The following PGM5 variants were observed in gnomAD, a reference collection of about 807,000 sequenced individuals.
PGM5 encodes the protein phosphoglucomutase 5.
Under a neutral mutation model 59.2 loss-of-function variants are expected in PGM5, and 23 were observed. The observed-to-expected ratio is 0.39, with a 90% CI of 0.28 to 0.55. PGM5 has a LOEUF of 0.55. PGM5 is among the 20% of genes least tolerant of loss of function. The pLI is 0.66. For synonymous variants in PGM5, 214 were observed against 286.0 expected (o/e 0.75, Z 2.54); for missense variants, 574 against 748.3 (o/e 0.77, Z 2.72).
intron 6 of PGM5, among the ~76,000 whole-genome samples, chr9:68,403,234 C>T (rs1822714361): frequency 5.9e-5 from 9 of 152,224 alleles, no homozygotes; most frequent in Admixed American, 4.6e-4. Context: ...TTGCATGCTC[C>T]TTGCGAGAAT....
At chr9:68,419,201 T>C (rs1349052831) in intron 6 of PGM5, among the ~76,000 whole-genome samples, 2 of 152,218 alleles carry the variant, frequency 1.3e-5, no homozygotes, top group Admixed American at 6.5e-5. Context: ...CACCATGATG[T>C]GTAGATTTTG....
At position 68,444,626 on chromosome 9, in the gene PGM5, G is replaced by T. The variant is rs763439822; in HGVS notation, c.1044-20467G>T. 2.7e-5 allele frequency among the ~76,000 whole-genome samples: 4 copies of T among 149,400 alleles called. No homozygotes were observed. In the East Asian group the frequency reaches 5.8e-4, roughly 22 times the overall value. On this transcript the variant is annotated intron_variant, in intron 6 of 10. Coordinates refer to ENST00000396396, the MANE Select transcript of PGM5 (RefSeq NM_021965.4). ...GCATTTTCTTAGTATGAGTTGAGTC[G>T]CATGCCCACTCTTTGGCCAGGCAAG...
chr9:68,420,738 A>G (rs1388763989), intron 6 of PGM5, among the ~76,000 whole-genome samples: 8 of 152,210 alleles, frequency 5.3e-5, no homozygotes, highest in Admixed American at 3.3e-4. Flanking sequence ...GACACAACAT[A>G]GAGCCTGGTC....
intron 1 of PGM5, among the ~76,000 whole-genome samples, chr9:68,358,351 A>G (rs1834510753): frequency 6.6e-6 from 1 of 152,106 alleles, no homozygotes; most frequent in Non-Finnish European, 1.5e-5. Context: ...TCCTATAACT[A>G]GAAGCACCTT....
At chr9:68,370,276 C>CT (rs1309245909) in intron 1 of PGM5, among the ~76,000 whole-genome samples, 6 of 151,414 alleles carry the variant, frequency 4.0e-5, no homozygotes, top group African/African-American at 9.7e-5. Context: ...ATTTTCTTTT[C>CT]TTTTTTTTTC....
At chr9:68,373,034 C>T (rs181391285) in intron 1 of PGM5, among the ~76,000 whole-genome samples, 1 of 151,646 alleles carries the variant, frequency 6.6e-6, no homozygotes, top group South Asian at 2.1e-4. Context: ...AACATCTAAA[C>T]CATATCAGCC....
intron 6 of PGM5, among the ~76,000 whole-genome samples, chr9:68,448,872 G>A (rs954320361): frequency 6.6e-6 from 1 of 152,202 alleles, no homozygotes; most frequent in Admixed American, 6.5e-5. Flanking sequence ...TGGGCTGATT[G>A]TGTCTCTCTG....
chr9:68,443,820 C>A (rs1331326248), intron 6 of PGM5, among the ~76,000 whole-genome samples: 3 of 152,202 alleles, frequency 2.0e-5, no homozygotes, highest in African/African-American at 7.2e-5. Context: ...ACCTCTTAAT[C>A]GCATTTAAGA....
intron 7 of PGM5, among the ~76,000 whole-genome samples, chr9:68,473,017 G>A (rs1824046446): frequency 6.6e-6 from 1 of 151,814 alleles, no homozygotes; most frequent in Non-Finnish European, 1.5e-5. Flanking sequence ...TTTTTTTTCA[G>A]TGAGCCTTGC....
chr9:68,475,136 C>T (rs2132086372), intron 7 of PGM5, among the ~76,000 whole-genome samples: 1 of 151,184 alleles, frequency 6.6e-6, no homozygotes, highest in South Asian at 2.1e-4. Flanking sequence ...GCCTCAGCTT[C>T]CCAAGTAGCA....
intron 6 of PGM5, among the ~76,000 whole-genome samples, chr9:68,462,442 A>G (rs138169157): frequency 0.012 from 1,768 of 152,264 alleles, 27 homozygotes; most frequent in African/African-American, 0.04. Flanking sequence ...CAATTAACTC[A>G]TACCCAGGAT....
At chr9:68,490,114 T>A (rs1192074592) in intron 9 of PGM5, among the ~76,000 whole-genome samples, 1 of 152,196 alleles carries the variant, frequency 6.6e-6, no homozygotes, top group Non-Finnish European at 1.5e-5. Flanking sequence ...AAATTGGCAA[T>A]CTCAAAGTCA....
At chr9:68,480,709 A>C (rs1824183420) in intron 8 of PGM5, among the ~76,000 whole-genome samples, 3 of 151,720 alleles carry the variant, frequency 2.0e-5, no homozygotes, top group Admixed American at 1.3e-4. Flanking sequence ...AAAAAAAAAA[A>C]CAAAACAAAA....
At chr9:68,508,278 C>T (rs1002332168) in intron 10 of PGM5, among the ~76,000 whole-genome samples, 7 of 152,098 alleles carry the variant, frequency 4.6e-5, no homozygotes, top group African/African-American at 1.4e-4. Context: ...AAGAACAGAC[C>T]ACTGAAGAGC....
In PGM5 at chr9:68,483,936, A is replaced by G. The variant is rs369200475; in HGVS notation, c.1367A>G (p.Asp456Gly). ...IMRDLEALVT[D>G]KSFIGQQFAV... ...AGGGACCTGGAGGCCCTGGTCACAG[A>G]CAAATCCTTCATTGGCCAGCAGTTT... Residue 456 changes from aspartate to glycine, a missense_variant, in exon 9 of 11, where the codon GAC (aspartate) becomes GGC (glycine). By Grantham distance (94) the Asp-to-Gly change is moderately conservative. Coordinates refer to ENST00000396396, the MANE Select transcript of PGM5 (RefSeq NM_021965.4). 2.5e-6 allele frequency: 4 copies of G among 1,614,058 alleles called. No homozygotes were observed. Among genetic ancestry groups the G allele is most frequent in the African/African-American group, 1.3e-5 (1 of 74,922 alleles).
chr9:68,466,260 G>T, intron 7 of PGM5: 3 of 991,766 alleles, frequency 3.0e-6, no homozygotes, highest in Non-Finnish European at 2.5e-6. Flanking sequence ...CTTCTTCTCC[G>T]ATACTGTGTG....
In PGM5 at chr9:68,437,854, GT is replaced by G. The variant is rs1554683443; in HGVS notation, c.1044-27238del. On this transcript the variant is annotated intron_variant, in intron 6 of 10. Transcript: ENST00000396396. This position sits in a 1 kb window ranked among gnomAD's most constrained non-coding sequence, Gnocchi z 4.1. The stretch of plus-strand genomic sequence containing the variant: ...TATAGCAATATTTGTCTGAAGCTGA[GT>G]GGAGGCTGTTTCTAACAGCCACACA... Among the ~76,000 whole-genome samples the G allele has an allele frequency of 6.6e-6, 1 of 152,168 alleles. No individual in the cohort carries two copies. The highest frequency in any genetic ancestry group is 6.5e-5 in the Admixed American group (1 of 15,270).
At chr9:68,387,334 A>G (rs2132005154) in intron 3 of PGM5, 129 bp from the exon 4 acceptor site, 1 of 795,388 alleles carries the variant, frequency 1.3e-6, no homozygotes. Context: ...CGCTTCCCAC[A>G]TCATGTGCAG....
intron 9 of PGM5, chr9:68,497,686 T>C (rs1026108435): frequency 6.6e-6 from 1 of 152,236 alleles, no homozygotes; most frequent in African/African-American, 2.4e-5. Flanking sequence ...TAAATTGCTT[T>C]GGGAGAATGC....
Sources: allele counts gnomAD v4.1 joint callset (sites outside exome capture counted in the v4.1 genomes callset), GRCh38; gene constraint gnomAD v4.1.1; non-coding constraint Gnocchi (gnomAD v3.1); transcripts MANE v1.5; gene names NCBI Gene and HGNC (gene_info 2026-07-23, HGNC 2026-07-21).